Variants in ASCC3 observed in about 807,000 individuals in gnomAD.
ASCC3 encodes activating signal cointegrator 1 complex subunit 3.
Under a neutral mutation model 256.3 loss-of-function variants are expected in ASCC3, and 158 were observed. The observed-to-expected ratio is 0.62, with a 90% CI of 0.54 to 0.70. The LOEUF (loss-of-function observed/expected upper bound fraction) is 0.70, where lower values mean the gene tolerates loss of function less well. Ranked by LOEUF, ASCC3 falls within the 30% of genes least tolerant of loss-of-function variation. The pLI is 0.00. For synonymous variants in ASCC3, 948 were observed against 883.4 expected (o/e 1.07, Z -1.30); for missense variants, 2,259 against 2,626.0 (o/e 0.86, Z 3.05).
intron 30 of ASCC3, among the ~76,000 whole-genome samples, chr6:100,618,479 A>G (rs996328809): frequency 1.3e-4 from 20 of 152,226 alleles, no homozygotes; most frequent in Non-Finnish European, 2.8e-4. Flanking sequence ...GGGCAAAATA[A>G]CCACCTCTTA....
intron 8 of ASCC3, among the ~76,000 whole-genome samples, chr6:100,773,312 A>G (rs1582842228): frequency 6.6e-6 from 1 of 152,184 alleles, no homozygotes. Flanking sequence ...AGTGCTATGA[A>G]TGAATGCAGC....
chr6:100,594,645 A>C (rs999610002), intron 34 of ASCC3, among the ~76,000 whole-genome samples: 5 of 152,160 alleles, frequency 3.3e-5, no homozygotes, highest in African/African-American at 1.2e-4. Context: ...AAATCTAAAA[A>C]TAGATCTAGC....
At position 100,516,209 on chromosome 6, in the gene ASCC3, T is replaced by G. The variant is rs780176753; in HGVS notation, c.6046A>C (p.Ser2016Arg). The change falls in exon 39 of 42, where the codon AGT becomes CGT. Residue 2016 changes from serine to arginine, a missense_variant. Coordinates refer to ENST00000369162, the MANE Select transcript of ASCC3 (RefSeq NM_006828.4). ...KDHVFSSMVE[S>R]ELHAAKTKQA... The stretch of plus-strand genomic sequence containing the variant: ...TTCGTTTTTGCAGCATGTAGCTCAC[T>G]TTCTACCATGGAGCTAAATACATGG... 1 of 1,613,624 alleles carries G rather than the reference T, an allele frequency of 6.2e-7. No homozygotes were observed. Among genetic ancestry groups the G allele is most frequent in the Non-Finnish European group, 8.5e-7 (1 of 1,179,672 alleles).
intron 30 of ASCC3, among the ~76,000 whole-genome samples, chr6:100,607,903 A>T (rs1772984957): frequency 6.7e-6 from 1 of 149,898 alleles, no homozygotes; most frequent in African/African-American, 2.4e-5. Flanking sequence ...TGGCTGTTTT[A>T]TAATTTACCT....
At chr6:100,543,366 A>G (rs567304143) in intron 36 of ASCC3, among the ~76,000 whole-genome samples, 2 of 152,260 alleles carry the variant, frequency 1.3e-5, no homozygotes, top group African/African-American at 2.4e-5. Context: ...CTATGAATGC[A>G]GAACCCATAG....
At chr6:100,757,116 A>C (rs1781214987) in intron 10 of ASCC3, among the ~76,000 whole-genome samples, 1 of 152,168 alleles carries the variant, frequency 6.6e-6, no homozygotes, top group Non-Finnish European at 1.5e-5. Context: ...ATGTTCAGTA[A>C]GTAGCTATGG....
At position 100,529,941 on chromosome 6, in the gene ASCC3, C is replaced by T. The variant is rs572062280; in HGVS notation, c.5775+10222G>A. ...AGCCCTCAATAAATGTTCACCATTA[C>T]CACAGCTGTCATGATGTTTGCCTTA... On this transcript the variant is annotated intron_variant, in intron 37 of 41. Coordinates refer to ENST00000369162, the MANE Select transcript of ASCC3 (RefSeq NM_006828.4). Among the ~76,000 whole-genome samples, 3 of 152,002 alleles carry T rather than the reference C, an allele frequency of 2.0e-5. No individual in the cohort carries two copies. In the East Asian group the frequency reaches 5.8e-4, roughly 29 times the overall value.
intron 20 of ASCC3, among the ~76,000 whole-genome samples, chr6:100,648,157 A>G (rs1443101582): frequency 1.3e-5 from 2 of 152,150 alleles, no homozygotes; most frequent in Non-Finnish European, 2.9e-5. Context: ...GACTCCAAAT[A>G]TAACTGAGAT....
chr6:100,589,779 A>C lies in ASCC3; in HGVS notation c.5416-11T>G. The C allele has an allele frequency of 6.2e-7, 1 of 1,613,604 alleles. No individual in the cohort carries two copies. ...AATGCTGCGATTATCCTATTTCAAA[A>C]GAATAACAAATGAAGAGTACGATGA... On this transcript the variant is annotated splice_polypyrimidine_tract_variant and intron_variant, in intron 35 of 41. Coordinates refer to ENST00000369162, the MANE Select transcript of ASCC3 (RefSeq NM_006828.4).
rs144677381 is a variant in ASCC3, at chr6:100,691,981, A to G, written c.2152-12229T>C. 1.7e-4 allele frequency among the ~76,000 whole-genome samples: 26 copies of G among 152,142 alleles called. No homozygotes were observed. In the East Asian group the frequency reaches 5.0e-3, roughly 29 times the overall value. ...GAACAACAAACAATAATTACAAAGT[A>G]CTAGGAAGACACCTGGCACATGGAA... On this transcript the variant is annotated intron_variant, in intron 13 of 41. Transcript: ENST00000369162.
Position 100,509,067 on chromosome 6 carries a change from T to A in ASCC3, c.*319A>T. On this transcript the variant is annotated 3_prime_UTR_variant, in exon 42 of 42. Transcript: ENST00000369162. Reference sequence around the variant, plus strand: ...GCCAATATCCATGTAAACAGTACATTGTGAGATGTAAAATTTGATTGATAG... The same window carrying A: ...GCCAATATCCATGTAAACAGTACATAGTGAGATGTAAAATTTGATTGATAG... 2.8e-6 allele frequency: 1 copy of A among 363,158 alleles called. No homozygotes were observed. Among genetic ancestry groups the A allele is most frequent in the South Asian group, 2.3e-5 (1 of 43,074 alleles). 22.5% of individuals were successfully genotyped at this position (363,158 alleles called of 1,614,324 possible).
intron 4 of ASCC3, among the ~76,000 whole-genome samples, chr6:100,816,941 A>T (rs1770779420): frequency 6.7e-6 from 1 of 149,048 alleles, no homozygotes; most frequent in Non-Finnish European, 1.5e-5. Context: ...TTTAAAAATT[A>T]AAAAAAAAAG....
At chr6:100,749,387 T>C (rs1412229507) in intron 10 of ASCC3, among the ~76,000 whole-genome samples, 1 of 151,992 alleles carries the variant, frequency 6.6e-6, no homozygotes, top group African/African-American at 2.4e-5. Context: ...TACTAGGAAA[T>C]TGATTAAAAG....
chr6:100,625,867 G>A (rs1028412509), intron 29 of ASCC3, among the ~76,000 whole-genome samples: 6 of 152,006 alleles, frequency 3.9e-5, no homozygotes, highest in African/African-American at 1.4e-4. Flanking sequence ...CCAGTAAACA[G>A]GTTAAGAGAT....
chr6:100,782,602 ATTAT>A (rs1341894270), intron 8 of ASCC3, among the ~76,000 whole-genome samples: 2 of 152,164 alleles, frequency 1.3e-5, no homozygotes, highest in African/African-American at 4.8e-5. Flanking sequence ...TATGCATAAG[ATTAT>A]TTATCACAAA....
chr6:100,727,679 CAAA>C (rs71651988), intron 10 of ASCC3, among the ~76,000 whole-genome samples: 14,885 of 150,646 alleles, frequency 0.099, 1,731 homozygotes, highest in East Asian at 0.29. Flanking sequence ...ACAACAACAA[CAAA>C]AAAGGGTCTA....
intron 8 of ASCC3, among the ~76,000 whole-genome samples, chr6:100,783,317 A>G (rs949925423): frequency 2.0e-5 from 3 of 152,214 alleles, no homozygotes; most frequent in Admixed American, 6.5e-5. Flanking sequence ...TAGACACAGA[A>G]GAAAACAGCA....
chr6:100,510,025 T>C lies in ASCC3; in HGVS notation c.6368A>G (p.Asp2123Gly). The change falls in exon 41 of 42, where the codon GAT becomes GGT. Residue 2123 changes from aspartate to glycine, a missense_variant. Physicochemically the swap from Asp to Gly is moderately conservative, Grantham distance 94. Coordinates refer to ENST00000369162, the MANE Select transcript of ASCC3 (RefSeq NM_006828.4). ...TTTCAAAGCAATAAGTTCTCTCTTA[T>C]CCACTTCTCCTAATATCAAAAACCA... ...EGWFLILGEV[D>G]KRELIALKRV... The C allele has an allele frequency of 6.2e-7, 1 of 1,614,158 alleles. No individual in the cohort carries two copies. The highest frequency in any genetic ancestry group is 1.1e-5 in the South Asian group (1 of 91,082).
At chr6:100,825,641 G>A (rs1003521311) in intron 4 of ASCC3, among the ~76,000 whole-genome samples, 4 of 152,110 alleles carry the variant, frequency 2.6e-5, no homozygotes, top group African/African-American at 9.7e-5. Flanking sequence ...GAATTTGAAT[G>A]TTGGCCTGTC....
Sources: allele counts gnomAD v4.1 joint callset (sites outside exome capture counted in the v4.1 genomes callset), GRCh38; gene constraint gnomAD v4.1.1; transcripts MANE v1.5; gene names NCBI Gene and HGNC (gene_info 2026-07-23, HGNC 2026-07-21).